The following SPA17 variants were observed in gnomAD, a reference collection of about 807,000 sequenced individuals.
SPA17 encodes the protein sperm autoantigenic protein 17.
Under a neutral mutation model 13.8 loss-of-function variants are expected in SPA17, and 7 were observed. That is an observed-to-expected ratio of 0.51 (90% confidence interval 0.29 to 0.95). SPA17 has a LOEUF of 0.95. SPA17 is among the 40% of genes least tolerant of loss of function. SPA17 has a pLI of 0.08. For missense variants in SPA17, 170 were observed against 179.3 expected (o/e 0.95, Z 0.30); for synonymous variants, 61 against 59.0 (o/e 1.03, Z -0.16).
chr11:124,684,961 A>G (rs1242685629), intron 3 of SPA17, among the ~76,000 whole-genome samples: 1 of 152,258 alleles, frequency 6.6e-6, no homozygotes, highest in East Asian at 1.9e-4. Flanking sequence ...AGCAGATCAT[A>G]AAAGTTTGGA....
At chr11:124,693,942 T>A (rs180863842) in intron 4 of SPA17, among the ~76,000 whole-genome samples, 7 of 152,224 alleles carry the variant, frequency 4.6e-5, no homozygotes, top group Middle Eastern at 3.2e-3. Flanking sequence ...AAACATAACA[T>A]TTACAGTTCT....
At chr11:124,683,565 A>C (rs908228045) in intron 3 of SPA17, among the ~76,000 whole-genome samples, 1 of 151,756 alleles carries the variant, frequency 6.6e-6, no homozygotes, top group Non-Finnish European at 1.5e-5. Context: ...TGATTCAACT[A>C]TATGCTGCTA....
chr11:124,679,288 A>C (rs1169418284), intron 2 of SPA17, among the ~76,000 whole-genome samples: 2 of 152,018 alleles, frequency 1.3e-5, no homozygotes, highest in Non-Finnish European at 2.9e-5. Context: ...TAGTGCATAT[A>C]TCCTAAAAAC....
At chr11:124,686,586 T>C (rs1286952979) in intron 3 of SPA17, among the ~76,000 whole-genome samples, 2 of 152,112 alleles carry the variant, frequency 1.3e-5, no homozygotes, top group Admixed American at 1.3e-4. Context: ...CAAAATAATA[T>C]CAAGTATCTT....
chr11:124,694,276 C>G (rs1340523974), intron 4 of SPA17, 27 bp from the exon 5 acceptor site: 2 of 1,600,882 alleles, frequency 1.2e-6, no homozygotes, highest in Middle Eastern at 1.7e-4. Flanking sequence ...TTTAAAGAGT[C>G]TCTTACTTTT....
At chr11:124,681,704 T>C (rs1246677025) in intron 3 of SPA17, among the ~76,000 whole-genome samples, 3 of 152,072 alleles carry the variant, frequency 2.0e-5, no homozygotes, top group Non-Finnish European at 4.4e-5. Context: ...TGGGATTTTT[T>C]GCTGAGAATA....
intron 4 of SPA17, among the ~76,000 whole-genome samples, chr11:124,693,496 A>G (rs937748231): frequency 2.6e-5 from 4 of 152,090 alleles, no homozygotes; most frequent in Admixed American, 2.6e-4. Context: ...ATATATATAT[A>G]TATATACCCA....
At position 124,695,359 on chromosome 11, in the gene SPA17, C is replaced by G. The variant is rs550458247; in HGVS notation, c.*913C>G. On this transcript the variant is annotated 3_prime_UTR_variant, in exon 5 of 5. Coordinates refer to ENST00000227135, the MANE Select transcript of SPA17 (RefSeq NM_017425.4). ...AAGCAAAAGCTATCATATCATGCTGCCTTCTTCAGTTAAAACTTCCCAAGT... is the reference window on the plus strand; with the variant it reads ...AAGCAAAAGCTATCATATCATGCTGGCTTCTTCAGTTAAAACTTCCCAAGT... The G allele has an allele frequency of 2.0e-5, 3 of 152,292 alleles. No individual in the cohort carries two copies. The highest frequency in any genetic ancestry group is 2.1e-4 in the South Asian group (1 of 4,828). The allele number at this position is 152,292 out of a possible 1,614,324, so 9.4% of individuals were successfully genotyped here.
At position 124,694,338 on chromosome 11, in the gene SPA17, T is replaced by A. The variant is rs746228791; in HGVS notation, c.348T>A (p.Val116=). The A allele has an allele frequency of 1.2e-6, 2 of 1,614,078 alleles. No individual in the cohort carries two copies. Among genetic ancestry groups the A allele is most frequent in the East Asian group, 4.5e-5 (2 of 44,866 alleles). Reference sequence around the variant, plus strand: ...AGGAAGATAAGGAAAAAGAAGAGGTTGCTGCTGTCAAAATCCAAGCTGCCT... The same window carrying A: ...AGGAAGATAAGGAAAAAGAAGAGGTAGCTGCTGTCAAAATCCAAGCTGCCT... The part of the protein sequence containing the change: ...SSEEDKEKEE[V]AAVKIQAAFR... Residue 116 remains valine (V), a synonymous_variant, in exon 5 of 5, where the codon GTT becomes GTA. Coordinates refer to ENST00000227135, the MANE Select transcript of SPA17 (RefSeq NM_017425.4).
chr11:124,694,499 C>T lies in SPA17; in HGVS notation c.*53C>T, dbSNP rs532763305. ...TGAAAAATAATCCAAATCCATCAAC[C>T]TTCTTATTAATGTCATTTCTTCCTG... On this transcript the variant is annotated 3_prime_UTR_variant, in exon 5 of 5. Transcript: ENST00000227135. 1.0e-5 allele frequency: 16 copies of T among 1,547,072 alleles called. No individual in the cohort carries two copies. The Admixed American group carries it at 3.2e-4, about 31-fold the overall frequency.
intron 1 of SPA17, 141 bp downstream of exon 1, chr11:124,674,093 G>T (rs905727602): frequency 3.6e-5 from 9 of 248,006 alleles, no homozygotes; most frequent in Non-Finnish European, 7.2e-5. Flanking sequence ...GCGCGAGTCT[G>T]AAATCCCAGG....
rs577439249 is a variant in SPA17, at chr11:124,679,069, G to A, written c.155-2320G>A. 5.3e-5 allele frequency among the ~76,000 whole-genome samples: 8 copies of A among 151,536 alleles called. No homozygotes were observed. The South Asian group carries it at 1.5e-3, about 28-fold the overall frequency. Reference sequence around the variant, plus strand: ...AGGGAATGGCTTGAACCCAGGAGGCGGAAGTTGCAGTGAGCCGAGATCGCA... The same window carrying A: ...AGGGAATGGCTTGAACCCAGGAGGCAGAAGTTGCAGTGAGCCGAGATCGCA... On this transcript the variant is annotated intron_variant, in intron 2 of 4. Coordinates refer to ENST00000227135, the MANE Select transcript of SPA17 (RefSeq NM_017425.4).
At chr11:124,684,273 T>A (rs1389679646) in intron 3 of SPA17, among the ~76,000 whole-genome samples, 1 of 152,112 alleles carries the variant, frequency 6.6e-6, no homozygotes, top group African/African-American at 2.4e-5. Context: ...GTAATTTTTT[T>A]TTTTTTGAGG....
chr11:124,693,395 C>T (rs534516594), intron 4 of SPA17, among the ~76,000 whole-genome samples: 1 of 151,788 alleles, frequency 6.6e-6, no homozygotes, highest in African/African-American at 2.4e-5. Context: ...ACTAATAATA[C>T]AGAAAAAGAG....
rs1943654608 is a variant in SPA17 at position 124,694,475 on chromosome 11, G to GA, written c.*34dup. 1 of 1,572,176 alleles carries GA rather than the reference G, an allele frequency of 6.4e-7. No homozygotes were observed. Among genetic ancestry groups the GA allele is most frequent in the South Asian group, 1.2e-5 (1 of 84,384 alleles). On this transcript the variant is annotated 3_prime_UTR_variant, in exon 5 of 5. Coordinates refer to ENST00000227135, the MANE Select transcript of SPA17 (RefSeq NM_017425.4). ...CACTGGTTTTACCTCCAGGAAACAT[G>GA]AAAAATAATCCAAATCCATCAACCT...
Position 124,695,272 on chromosome 11 carries a change from A to G in SPA17, c.*826A>G, listed in dbSNP as rs1274225647. The G allele has an allele frequency of 1.3e-5, 2 of 152,248 alleles. No individual in the cohort carries two copies. The highest frequency in any genetic ancestry group is 2.9e-5 in the Non-Finnish European group (2 of 68,054). The allele number at this position is 152,248 out of a possible 1,614,324, so 9.4% of individuals were successfully genotyped here. A position where few individuals can be genotyped will look rare whatever the true frequency, so the allele number is the denominator to read the frequency against. On this transcript the variant is annotated 3_prime_UTR_variant, in exon 5 of 5. Transcript: ENST00000227135. ...TGTTCTTACACTCATACAACTTACA[A>G]TGCTTTATTGTTTTGCTCTCCAGAA...
intron 3 of SPA17, among the ~76,000 whole-genome samples, chr11:124,690,493 A>G (rs1943614900): frequency 6.6e-6 from 1 of 152,232 alleles, no homozygotes; most frequent in African/African-American, 2.4e-5. Flanking sequence ...AAGGAGAATA[A>G]TGAGAAATTG....
chr11:124,688,331 C>A lies in SPA17; in HGVS notation c.226-3365C>A, dbSNP rs549023950. ...ACTGACTCCCAATATAATCTTATGT[C>A]TAGAAAAATCTAAAGACTCCACCAG... On this transcript the variant is annotated intron_variant, in intron 3 of 4. Transcript: ENST00000227135. 3.3e-5 allele frequency among the ~76,000 whole-genome samples: 5 copies of A among 152,236 alleles called. No homozygotes were observed. In the South Asian group the frequency reaches 1.0e-3, roughly 32 times the overall value.
intron 2 of SPA17, among the ~76,000 whole-genome samples, chr11:124,679,736 T>C (rs577552757): frequency 6.6e-6 from 1 of 152,232 alleles, no homozygotes; most frequent in East Asian, 1.9e-4. Context: ...ATATACCAGA[T>C]TAGGCTGAAC....
Sources: gnomAD v4.1 joint callset for allele counts (sites outside exome capture counted in the v4.1 genomes callset) on GRCh38, gnomAD v4.1.1 for gene constraint, MANE v1.5 for transcripts, NCBI Gene and HGNC (gene_info 2026-07-23, HGNC 2026-07-21) for gene names.